SLIT2: variants seen among roughly 807,000 people sequenced by gnomAD.
SLIT2 encodes the protein slit homolog 2 protein.
A neutral mutation model predicts 185.7 loss-of-function variants in SLIT2; 41 were observed. The ratio of observed to expected loss-of-function variants is 0.22; its 90% CI spans 0.17 to 0.29. The LOEUF (loss-of-function observed/expected upper bound fraction) is 0.29, where lower values mean the gene tolerates loss of function less well. Among genes scored for constraint, SLIT2 ranks in the 10% least tolerant of loss-of-function variants. The pLI, the probability that SLIT2 is intolerant of heterozygous loss-of-function variation, is 1.00. For missense variants in SLIT2, 1,571 were observed against 1,909.0 expected (o/e 0.82, Z 3.30); for synonymous variants, 693 against 680.2 (o/e 1.02, Z -0.29).
At chr4:20,514,553 G>A (rs1268119654) in intron 11 of SLIT2, among the ~76,000 whole-genome samples, 1 of 152,092 alleles carries the variant, frequency 6.6e-6, no homozygotes, top group Admixed American at 6.6e-5. Flanking sequence ...GTTGAGGCAC[G>A]AGAATCTCTT....
At chr4:20,467,897 A>T (rs1249281359) in intron 5 of SLIT2, 74 bp downstream of exon 5, 3 of 719,678 alleles carry the variant, frequency 4.2e-6, no homozygotes, top group Non-Finnish European at 6.8e-6. Flanking sequence ...TATTAAATAA[A>T]GTGTCAGAAA....
intron 4 of SLIT2, among the ~76,000 whole-genome samples, chr4:20,370,214 G>T (rs1025471401): frequency 1.8e-4 from 28 of 151,988 alleles, no homozygotes; most frequent in Admixed American, 1.8e-3. Context: ...CTTGATGTGT[G>T]AAAGGGAGCT....
rs776432044 is a variant in SLIT2, at chr4:20,539,425, CT to C, written c.1833-9del. The C allele has an allele frequency of 8.1e-6, 13 of 1,603,634 alleles. No individual in the cohort carries two copies. Among genetic ancestry groups the C allele is most frequent in the South Asian group, 4.5e-5 (4 of 88,992 alleles). ...GATGCTTTGTCTCCATAACAATGTC[CT>C]TTTTTTCCCCTCAGGATGTTGAGAA... is the stretch of plus-strand genomic sequence containing the variant. On this transcript the variant is annotated splice_polypyrimidine_tract_variant and intron_variant, in intron 18 of 36. Transcript: ENST00000504154.
intron 34 of SLIT2, among the ~76,000 whole-genome samples, chr4:20,612,919 A>AG (rs1729344452): frequency 5.1e-4 from 2 of 3,928 alleles, no homozygotes; most frequent in Admixed American, 3.7e-3. Context: ...CTCCATCTCC[A>AG]AAAAAAAAAA....
chr4:20,258,398 AC>A (rs1370379507), intron 3 of SLIT2, among the ~76,000 whole-genome samples: 2 of 151,742 alleles, frequency 1.3e-5, no homozygotes, highest in African/African-American at 4.8e-5. Flanking sequence ...ATAAAGATTT[AC>A]TTTTTTATAT....
At chr4:20,269,449 G>A (rs1260687826) in intron 4 of SLIT2, among the ~76,000 whole-genome samples, 1 of 151,856 alleles carries the variant, frequency 6.6e-6, no homozygotes. Context: ...ACTATTAAAG[G>A]AAGTAATTCC....
intron 4 of SLIT2, among the ~76,000 whole-genome samples, chr4:20,459,610 T>C (rs540309742): frequency 1.3e-5 from 2 of 152,182 alleles, no homozygotes; most frequent in Non-Finnish European, 2.9e-5. Flanking sequence ...TTAATCTGTG[T>C]TTCTGTCTCT....
chr4:20,393,978 G>A (rs1220883896), intron 4 of SLIT2, among the ~76,000 whole-genome samples: 1 of 152,012 alleles, frequency 6.6e-6, no homozygotes. Flanking sequence ...TCTGTATGCA[G>A]ATTGTCTTTG....
intron 4 of SLIT2, among the ~76,000 whole-genome samples, chr4:20,462,200 G>T (rs1009028547): frequency 6.6e-6 from 1 of 152,132 alleles, no homozygotes; most frequent in Non-Finnish European, 1.5e-5. Context: ...TTTTCTTTGG[G>T]ATGAGCTTCA....
intron 4 of SLIT2, among the ~76,000 whole-genome samples, chr4:20,444,503 T>C (rs1423986057): frequency 1.3e-5 from 2 of 152,026 alleles, no homozygotes; most frequent in Non-Finnish European, 1.5e-5. Context: ...GGCTTAGGGG[T>C]CACACAAACC....
intron 9 of SLIT2, among the ~76,000 whole-genome samples, chr4:20,503,795 T>C (rs1180232421): frequency 6.6e-6 from 1 of 152,192 alleles, no homozygotes; most frequent in Admixed American, 6.5e-5. Flanking sequence ...TAGAATGACA[T>C]CACAAAATGT....
intron 4 of SLIT2, among the ~76,000 whole-genome samples, chr4:20,271,071 G>A (rs945429442): frequency 3.3e-5 from 5 of 151,954 alleles, no homozygotes; most frequent in Admixed American, 1.3e-4. Flanking sequence ...ATTATGAAAA[G>A]CAAGGGTACA....
At chr4:20,420,341 A>C (rs1040806302) in intron 4 of SLIT2, among the ~76,000 whole-genome samples, 7 of 152,088 alleles carry the variant, frequency 4.6e-5, no homozygotes, top group African/African-American at 1.7e-4. Context: ...TTACAGAAGC[A>C]CTCACTATGC....
intron 4 of SLIT2, among the ~76,000 whole-genome samples, chr4:20,322,442 G>T (rs1035896681): frequency 6.6e-6 from 1 of 152,132 alleles, no homozygotes; most frequent in Non-Finnish European, 1.5e-5. Context: ...GAGACAAATG[G>T]TTGTCTTGAG....
Position 20,467,795 on chromosome 4 carries a change from T to C in SLIT2, c.439T>C (p.Phe147Leu), listed in dbSNP as rs755214260. Residue 147 changes from phenylalanine (F) to leucine (L), a missense_variant, in exon 5 of 37, where the codon TTC becomes CTC. Transcript: ENST00000504154. ...NQIQAIPRKA[F>L]RGAVDIKNLQ... ...AATTCAGGCAATCCCAAGGAAAGCT[T>C]TCCGTGGGGCAGTTGACATAAAAAA... 1 of 1,596,540 alleles carries C rather than the reference T, an allele frequency of 6.3e-7. No homozygotes were observed. Among genetic ancestry groups the C allele is most frequent in the South Asian group, 1.1e-5 (1 of 87,710 alleles).
intron 4 of SLIT2, among the ~76,000 whole-genome samples, chr4:20,460,176 C>CT (rs1365258060): frequency 6.6e-6 from 1 of 150,752 alleles, no homozygotes. Context: ...AATATTTTTT[C>CT]TTTTTTTTTC....
At chr4:20,567,200 A>G (rs1577938816) in intron 26 of SLIT2, 62 bp from the exon 27 acceptor site, 1 of 1,403,678 alleles carries the variant, frequency 7.1e-7, no homozygotes, top group Non-Finnish European at 9.9e-7. Context: ...ATTAAGGCAT[A>G]CAAGTAATTA....
chr4:20,569,263 A>C (rs1035097119), intron 29 of SLIT2: 32 of 410,902 alleles, frequency 7.8e-5, no homozygotes, highest in African/African-American at 6.3e-4. Context: ...TATTTTGCTA[A>C]AGCTTTTAGT....
intron 4 of SLIT2, among the ~76,000 whole-genome samples, chr4:20,275,448 A>G (rs897999046): frequency 6.6e-6 from 1 of 152,162 alleles, no homozygotes; most frequent in Admixed American, 6.5e-5. Flanking sequence ...TATGATAGAA[A>G]CTATAATTAT....
Sources: allele counts gnomAD v4.1 joint callset (sites outside exome capture counted in the v4.1 genomes callset), GRCh38; gene constraint gnomAD v4.1.1; transcripts MANE v1.5; gene names NCBI Gene and HGNC (gene_info 2026-07-23, HGNC 2026-07-21).